The following PRLR variants were observed in gnomAD, a reference collection of about 807,000 sequenced individuals.
The protein encoded by PRLR is hPRL receptor.
PRLR carries 13 observed loss-of-function variants against 40.2 expected under a neutral mutation model. The observed-to-expected ratio is 0.32, with a 90% CI of 0.21 to 0.51. The LOEUF (loss-of-function observed/expected upper bound fraction) is 0.51. Ranked by LOEUF, PRLR falls within the 20% of genes least tolerant of loss-of-function variation. The pLI, the probability that PRLR is intolerant of heterozygous loss-of-function variation, is 0.97. For missense variants in PRLR, 656 were observed against 747.3 expected, an observed-to-expected ratio of 0.88 and a Z score of 1.42; for synonymous variants, 269 against 278.7, an observed-to-expected ratio of 0.97 and a Z score of 0.35.
At chr5:35,054,351 GGCATAGGAAT>G (rs1220421621), downstream of PRLR, among the ~76,000 whole-genome samples, 2 of 152,150 alleles carry the variant, frequency 1.3e-5, no homozygotes, top group African/African-American at 4.8e-5. Context: ...CAGTGAGACT[GGCATAGGAAT>G]GCTCATTGCA....
chr5:35,155,693 G>A (rs536897911), intron 1 of PRLR, among the ~76,000 whole-genome samples: 21 of 152,258 alleles, frequency 1.4e-4, no homozygotes, highest in African/African-American at 5.1e-4. Flanking sequence ...GGAGTTACCG[G>A]AGATTCCAAA....
intron 1 of PRLR, among the ~76,000 whole-genome samples, chr5:35,126,575 T>C (rs1317530052): frequency 6.6e-6 from 1 of 152,178 alleles, no homozygotes; most frequent in African/African-American, 2.4e-5. Flanking sequence ...TCACTGGATG[T>C]GTATAGGATT....
intron 1 of PRLR, among the ~76,000 whole-genome samples, chr5:35,161,988 T>C (rs1249455905): frequency 6.6e-6 from 1 of 152,234 alleles, no homozygotes; most frequent in Non-Finnish European, 1.5e-5. Context: ...TCCAAGGCTT[T>C]AAAAAACTTG....
intron 1 of PRLR, among the ~76,000 whole-genome samples, chr5:35,229,751 G>C (rs1354004816): frequency 2.0e-5 from 3 of 152,124 alleles, no homozygotes; most frequent in African/African-American, 7.2e-5. Flanking sequence ...TTCCCCGCCG[G>C]ATGCCCGCGA....
At chr5:35,200,232 G>C (rs949324384) in intron 1 of PRLR, among the ~76,000 whole-genome samples, 1 of 152,190 alleles carries the variant, frequency 6.6e-6, no homozygotes, top group African/African-American at 2.4e-5. Flanking sequence ...TATACACCAA[G>C]TATCAAAGAG....
At chr5:35,049,892 G>A (rs924009406) in intron 8 of PRLR, among the ~76,000 whole-genome samples, 2 of 149,440 alleles carry the variant, frequency 1.3e-5, no homozygotes, top group Admixed American at 6.6e-5. Context: ...AACATTGCAC[G>A]AAACTACATT....
intron 1 of PRLR, among the ~76,000 whole-genome samples, chr5:35,170,381 T>C (rs941812855): frequency 6.6e-6 from 1 of 152,220 alleles, no homozygotes; most frequent in African/African-American, 2.4e-5. Context: ...TAGGACTCTT[T>C]ATTCATTTGC....
intron 2 of PRLR, among the ~76,000 whole-genome samples, chr5:35,098,277 G>A (rs1771658930): frequency 6.6e-6 from 1 of 152,144 alleles, no homozygotes; most frequent in African/African-American, 2.4e-5. Flanking sequence ...CCCTTAGGAT[G>A]TCACAGATAG....
At chr5:35,084,015 A>G (rs1469262236) in intron 5 of PRLR, among the ~76,000 whole-genome samples, 1 of 152,174 alleles carries the variant, frequency 6.6e-6, no homozygotes, top group East Asian at 1.9e-4. Context: ...ACACACACAT[A>G]TATGAGTTTG....
chr5:35,169,695 A>G (rs1461128943), intron 1 of PRLR, among the ~76,000 whole-genome samples: 2 of 152,248 alleles, frequency 1.3e-5, no homozygotes, highest in East Asian at 1.9e-4. Context: ...TGATTTACCA[A>G]CACCCACGAG....
rs983468073 is a variant in PRLR, at chr5:35,081,415, G to A, written c.373+3055C>T. The A allele has an allele frequency of 5.6e-5, 11 of 195,894 alleles. No homozygotes were observed. In the East Asian group the frequency reaches 6.2e-4, roughly 11 times the overall value. The allele number at this position is 195,894 out of a possible 1,614,324, so 12.1% of individuals were successfully genotyped here. A position where few individuals can be genotyped will look rare whatever the true frequency, so the allele number is the denominator to read the frequency against. ...CATGGCCTTCCATGTCCCCACCATC[G>A]TGTCAGTGGTGACCTGACCTGCCAT... On this transcript the variant is annotated intron_variant, in intron 5 of 9. Coordinates refer to ENST00000618457, the MANE Select transcript of PRLR (RefSeq NM_000949.7).
intron 1 of PRLR, 43 bp from the exon 2 acceptor site, chr5:35,118,165 C>A: frequency 1.1e-6 from 1 of 939,540 alleles, no homozygotes; most frequent in African/African-American, 1.8e-5. Context: ...GATGACAAAA[C>A]GGGAGATTCC....
intron 1 of PRLR, among the ~76,000 whole-genome samples, chr5:35,122,211 G>A (rs942195820): frequency 2.0e-5 from 3 of 152,080 alleles, no homozygotes; most frequent in Non-Finnish European, 4.4e-5. Context: ...AAACCTAATT[G>A]ATGAATTTAC....
intron 5 of PRLR, among the ~76,000 whole-genome samples, chr5:35,079,181 CA>C (rs1770330369): frequency 6.6e-6 from 1 of 152,174 alleles, no homozygotes; most frequent in Non-Finnish European, 1.5e-5. Context: ...CGCTCCTATT[CA>C]ACATAGTGTT....
In PRLR at chr5:35,058,170, C is replaced by G. The variant is rs571413123; in HGVS notation, c.*6919G>C. 6.6e-6 allele frequency: 1 copy of G among 151,656 alleles called. No homozygotes were observed. Among genetic ancestry groups the G allele is most frequent in the Non-Finnish European group, 1.5e-5 (1 of 67,904 alleles). 9.4% of individuals were successfully genotyped at this position (151,656 alleles called of 1,614,324 possible). A position where few individuals can be genotyped will look rare whatever the true frequency, so the allele number is the denominator to read the frequency against. On this transcript the variant is annotated 3_prime_UTR_variant, in exon 10 of 10. Transcript: ENST00000618457. ...AAAACCCAGCAACTTAATTATAAAA[C>G]AATTACTTCTAATTTCTCACTTAGT...
chr5:35,068,171 A>G, intron 9 of PRLR, 45 bp downstream of exon 9: 1 of 1,503,476 alleles, frequency 6.7e-7, no homozygotes, highest in South Asian at 1.1e-5. Context: ...GTTAATTACT[A>G]CAGAGCAGTG....
intron 1 of PRLR, among the ~76,000 whole-genome samples, chr5:35,126,125 G>A (rs774358669): frequency 6.6e-6 from 1 of 152,206 alleles, no homozygotes; most frequent in Non-Finnish European, 1.5e-5. Context: ...ATTTAAAAGT[G>A]CTGTGGGTAG....
chr5:35,227,064 C>T (rs1401337540), intron 1 of PRLR, among the ~76,000 whole-genome samples: 3 of 152,218 alleles, frequency 2.0e-5, no homozygotes, highest in East Asian at 1.9e-4. Context: ...AGTGACAGAG[C>T]GCCAGCCTCA....
intron 1 of PRLR, among the ~76,000 whole-genome samples, chr5:35,165,038 G>T (rs1291912664): frequency 1.3e-5 from 2 of 152,116 alleles, no homozygotes; most frequent in African/African-American, 4.8e-5. Context: ...TCAGTTAATG[G>T]GTGACTTATT....
Sources: allele counts gnomAD v4.1 joint callset (sites outside exome capture counted in the v4.1 genomes callset), GRCh38; gene constraint gnomAD v4.1.1; transcripts MANE v1.5; gene names NCBI Gene and HGNC (gene_info 2026-07-23, HGNC 2026-07-21).